The following SMURF2 variants were observed in gnomAD, a reference collection of about 807,000 sequenced individuals.
The protein encoded by SMURF2 is SMAD specific E3 ubiquitin protein ligase 2, also known as E3 ubiquitin-protein ligase SMURF2.
In SMURF2, 48 loss-of-function variants were observed where a neutral mutation model predicts 109.6. That is an observed-to-expected ratio of 0.44 (90% CI 0.35 to 0.56). The LOEUF (loss-of-function observed/expected upper bound fraction) is 0.56, where lower values mean the gene tolerates loss of function less well. Ranked by LOEUF, SMURF2 falls within the 20% of genes least tolerant of loss-of-function variation. SMURF2 has a pLI of 0.01. For missense variants in SMURF2, 575 were observed against 909.0 expected, an observed-to-expected ratio of 0.63 and a Z score of 4.72; for synonymous variants, 288 against 317.1, an observed-to-expected ratio of 0.91 and a Z score of 0.97.
intron 2 of SMURF2, among the ~76,000 whole-genome samples, chr17:64,605,225 A>G (rs1289819956): frequency 6.6e-6 from 1 of 152,156 alleles, no homozygotes; most frequent in African/African-American, 2.4e-5. Flanking sequence ...GAGAAGGCAC[A>G]TGGTACATAA....
intron 10 of SMURF2, among the ~76,000 whole-genome samples, chr17:64,568,757 T>G (rs1396032954): frequency 6.6e-6 from 1 of 151,960 alleles, no homozygotes; most frequent in African/African-American, 2.4e-5. Context: ...ATCCCAGCAC[T>G]TTGGGAGGCT....
chr17:64,546,379 G>A lies in SMURF2; in HGVS notation c.2072-41C>T, dbSNP rs111532500. Reference sequence around the variant, plus strand: ...ATGTGGATGAAATCACTGCAGGTGCGTGCATTAGTCTCCAAAATCTTAAGA... The same window carrying A: ...ATGTGGATGAAATCACTGCAGGTGCATGCATTAGTCTCCAAAATCTTAAGA... On this transcript the variant is annotated intron_variant, in intron 17 of 18. Coordinates refer to ENST00000262435, the MANE Select transcript of SMURF2 (RefSeq NM_022739.4). 7.2e-4 allele frequency: 1,128 copies of A among 1,563,742 alleles called. 7 individuals are homozygous for A. In the African/African-American group the frequency reaches 0.013, roughly 18 times the overall value.
intron 1 of SMURF2, among the ~76,000 whole-genome samples, chr17:64,619,195 AT>A (rs1970165052): frequency 6.6e-6 from 1 of 152,052 alleles, no homozygotes; most frequent in African/African-American, 2.4e-5. Context: ...AAAAAAGAAC[AT>A]GGCCGGGCAC....
At chr17:64,575,015 A>G (rs1969468666) in intron 9 of SMURF2, among the ~76,000 whole-genome samples, 2 of 152,074 alleles carry the variant, frequency 1.3e-5, no homozygotes, top group Non-Finnish European at 2.9e-5. Context: ...TTGACCTTCA[A>G]CTAGATAAAC....
At chr17:64,569,864 AG>A (rs1969374408) in intron 10 of SMURF2, among the ~76,000 whole-genome samples, 1 of 152,232 alleles carries the variant, frequency 6.6e-6, no homozygotes, top group Admixed American at 6.5e-5. Context: ...TGTTACTCAA[AG>A]GGTAGACTGC....
intron 10 of SMURF2, among the ~76,000 whole-genome samples, chr17:64,566,466 G>T (rs1173674006): frequency 6.8e-6 from 1 of 147,188 alleles, no homozygotes; most frequent in Non-Finnish European, 1.5e-5. Context: ...GGACTTTACC[G>T]AACTAGTAGC....
rs879980142 is a variant in SMURF2, at chr17:64,548,393, AT to A, written c.1870-593del. Reference sequence around the variant, plus strand: ...AGTGAGTCATACAATTTGCTTAATAATTTTTTTTTTTTAAGACAGAATTTTG... The same window carrying A: ...AGTGAGTCATACAATTTGCTTAATAATTTTTTTTTTTAAGACAGAATTTTG... On this transcript the variant is annotated intron_variant, in intron 16 of 18. Transcript: ENST00000262435. 5.6e-3 allele frequency among the ~76,000 whole-genome samples: 822 copies of A among 147,350 alleles called. 6 individuals are homozygous for A. The highest frequency in any genetic ancestry group is 0.017 in the African/African-American group (699 of 40,520).
chr17:64,603,580 G>C (rs1555688786), intron 2 of SMURF2, among the ~76,000 whole-genome samples: 5 of 142,662 alleles, frequency 3.5e-5, no homozygotes, highest in South Asian at 2.2e-4. Context: ...GACTCCGTCG[G>C]GGGAAAAAAA....
intron 9 of SMURF2, among the ~76,000 whole-genome samples, chr17:64,575,388 A>G (rs1208514357): frequency 6.6e-6 from 1 of 151,938 alleles, no homozygotes; most frequent in Non-Finnish European, 1.5e-5. Context: ...CCTGACTTCA[A>G]GTGATCCTCC....
chr17:64,659,741 A>C (rs1210087088), intron 1 of SMURF2, among the ~76,000 whole-genome samples: 5 of 152,102 alleles, frequency 3.3e-5, no homozygotes, highest in Non-Finnish European at 7.4e-5. Flanking sequence ...CTTGAGATCT[A>C]TTTGCTAAAA....
intron 9 of SMURF2, among the ~76,000 whole-genome samples, chr17:64,576,869 TATCC>T (rs1227433778): frequency 2.0e-5 from 3 of 147,880 alleles, no homozygotes; most frequent in African/African-American, 7.6e-5. Context: ...TTTCTTTTTC[TATCC>T]TTTTTTTTTT....
At chr17:64,612,780 T>G (rs1246450282) in intron 1 of SMURF2, among the ~76,000 whole-genome samples, 2 of 152,186 alleles carry the variant, frequency 1.3e-5, no homozygotes, top group Non-Finnish European at 2.9e-5. Context: ...CACAGAATGT[T>G]TAACATTCAG....
At chr17:64,561,727 T>G in intron 11 of SMURF2, 124 bp from the exon 12 acceptor site, 1 of 652,034 alleles carries the variant, frequency 1.5e-6, no homozygotes, top group South Asian at 1.9e-5. Flanking sequence ...CCAGGTGCAG[T>G]AGCTCACACC....
At chr17:64,660,375 T>A (rs1970758373) in intron 1 of SMURF2, among the ~76,000 whole-genome samples, 1 of 152,104 alleles carries the variant, frequency 6.6e-6, no homozygotes, top group African/African-American at 2.4e-5. Context: ...CTCCTCCCAA[T>A]GTAAGGACAC....
intron 1 of SMURF2, among the ~76,000 whole-genome samples, chr17:64,623,444 C>T (rs902970921): frequency 6.6e-6 from 1 of 152,198 alleles, no homozygotes; most frequent in Admixed American, 6.5e-5. Context: ...CCAATGGAAT[C>T]TGCCTAGATT....
intron 12 of SMURF2, among the ~76,000 whole-genome samples, chr17:64,559,510 T>C (rs1969179869): frequency 6.6e-6 from 1 of 151,742 alleles, no homozygotes; most frequent in Admixed American, 6.6e-5. Flanking sequence ...GGAGAATCGC[T>C]TGAACCCAGG....
At chr17:64,558,025 G>C (rs782627160) in intron 12 of SMURF2, among the ~76,000 whole-genome samples, 1 of 152,134 alleles carries the variant, frequency 6.6e-6, no homozygotes, top group Non-Finnish European at 1.5e-5. Flanking sequence ...CGGTCCAGTG[G>C]TCTGTTACTT....
intron 1 of SMURF2, among the ~76,000 whole-genome samples, chr17:64,648,058 TAAAAAAAAAAAAA>T (rs56131846): frequency 0.011 from 202 of 17,712 alleles, 1 homozygote; most frequent in East Asian, 0.034. Flanking sequence ...CCCTATCTCT[TAAAAAAAAAAAAA>T]AAAAAAAAAA....
At position 64,593,486 on chromosome 17, in the gene SMURF2, A is replaced by G. The variant is rs1417249626; in HGVS notation, c.288T>C (p.Cys96=). The change falls in exon 4 of 19, where the codon TGT becomes TGC. Residue 96 remains cysteine (C), a synonymous_variant. Coordinates refer to ENST00000262435, the MANE Select transcript of SMURF2 (RefSeq NM_022739.4). ...HKKQGAGFLG[C]VRLLSNAINR... ...TGATGGCATTGGAAAGAAGACGAAC[A>G]CAACCGAGAAATCCAGCACCTTGTT... The G allele has an allele frequency of 1.4e-5, 23 of 1,610,592 alleles. No individual in the cohort carries two copies. Among genetic ancestry groups the G allele is most frequent in the Non-Finnish European group, 2.0e-5 (23 of 1,178,664 alleles).
Sources: allele counts gnomAD v4.1 joint callset (sites outside exome capture counted in the v4.1 genomes callset), GRCh38; gene constraint gnomAD v4.1.1; transcripts MANE v1.5; gene names NCBI Gene and HGNC (gene_info 2026-07-23, HGNC 2026-07-21).